The following PMM2 variants were observed in gnomAD, a reference collection of about 807,000 sequenced individuals.
PMM2 encodes the protein mannose-6-phosphate isomerase.
PMM2 carries 35 observed loss-of-function variants against 33.2 expected under a neutral mutation model. That is an observed-to-expected ratio of 1.06 (90% confidence interval 0.81 to 1.40). The LOEUF (loss-of-function observed/expected upper bound fraction) is 1.40, where lower values mean the gene tolerates loss of function less well. Among genes scored for constraint, PMM2 ranks in the 40% most tolerant of loss-of-function variants. PMM2 has a pLI of 0.00. For missense variants in PMM2, 386 were observed against 306.0 expected (o/e 1.26, Z -1.95); for synonymous variants, 153 against 114.7 (o/e 1.33, Z -2.13).
rs760967158 is a variant in PMM2 at position 8,848,967 on chromosome 16, A to G, written c.*1142A>G. 6.6e-6 allele frequency: 1 copy of G among 152,240 alleles called. No homozygotes were observed. The highest frequency in any genetic ancestry group is 1.5e-5 in the Non-Finnish European group (1 of 68,048). The allele number at this position is 152,240 out of a possible 1,614,324, so 9.4% of individuals were successfully genotyped here. ...TTTCCTAGGAAACGGTTCATGTGTC[A>G]CTTTTCAGGATGTGGAAACACTGAG... On this transcript the variant is annotated 3_prime_UTR_variant, in exon 8 of 8. Transcript: ENST00000268261.
intron 1 of PMM2, among the ~76,000 whole-genome samples, chr16:8,800,310 G>A (rs1014177410): frequency 2.7e-5 from 4 of 149,506 alleles, no homozygotes; most frequent in African/African-American, 4.9e-5. Context: ...GCAATGAGCC[G>A]AGACCACACC....
rs567337666 is a variant in PMM2, at chr16:8,832,280, C to T, written c.640-15444C>T. The T allele has an allele frequency of 3.0e-4, 300 of 985,430 alleles. No individual in the cohort carries two copies. In the African/African-American group the frequency reaches 4.1e-3, roughly 13 times the overall value. 61.0% of individuals were successfully genotyped at this position (985,430 alleles called of 1,614,324 possible). A position where few individuals can be genotyped will look rare whatever the true frequency, so the allele number is the denominator to read the frequency against. On this transcript the variant is annotated intron_variant, in intron 7 of 7. Coordinates refer to ENST00000268261, the MANE Select transcript of PMM2 (RefSeq NM_000303.3). Reference sequence around the variant, plus strand: ...TTGTGATGCAGATGCTCCTGCGAGCCGTGCGGCTCTCTGAAAGCGGGTGGA... The same window carrying T: ...TTGTGATGCAGATGCTCCTGCGAGCTGTGCGGCTCTCTGAAAGCGGGTGGA...
At chr16:8,833,045 G>A (rs547890111) in intron 7 of PMM2, 721 of 330,442 alleles carry the variant, frequency 2.2e-3, no homozygotes, top group Non-Finnish European at 2.7e-3. Context: ...AGAGGGTTTC[G>A]TGCGCGTCCG....
chr16:8,799,199 T>A (rs1219121336), intron 1 of PMM2, among the ~76,000 whole-genome samples: 1 of 152,204 alleles, frequency 6.6e-6, no homozygotes, highest in East Asian at 1.9e-4. Flanking sequence ...CCAATAAAAT[T>A]TTATTTATTT....
chr16:8,803,591 G>A (rs1256658913), intron 2 of PMM2, among the ~76,000 whole-genome samples: 1 of 152,226 alleles, frequency 6.6e-6, no homozygotes, highest in Non-Finnish European at 1.5e-5. Context: ...ACAGGTACCT[G>A]AAGTTTGAGA....
At position 8,848,533 on chromosome 16, in the gene PMM2, C is replaced by T. The variant is rs1175118690; in HGVS notation, c.*708C>T. 6.6e-6 allele frequency: 1 copy of T among 152,662 alleles called. No homozygotes were observed. The highest frequency in any genetic ancestry group is 1.5e-5 in the Non-Finnish European group (1 of 68,364). 9.5% of individuals were successfully genotyped at this position (152,662 alleles called of 1,614,324 possible). A position where few individuals can be genotyped will look rare whatever the true frequency, so the allele number is the denominator to read the frequency against. ...CTGTGTTCACTACACTCAGAATAGC[C>T]TGGCTGCTTCTCTGTCTCCGAGACC... On this transcript the variant is annotated 3_prime_UTR_variant, in exon 8 of 8. Transcript: ENST00000268261.
At chr16:8,826,827 A>G (rs1396163641) in intron 7 of PMM2, among the ~76,000 whole-genome samples, 3 of 152,010 alleles carry the variant, frequency 2.0e-5, no homozygotes, top group African/African-American at 4.8e-5. Flanking sequence ...AAATCTTGTC[A>G]CGACTCACAG....
intron 7 of PMM2, among the ~76,000 whole-genome samples, chr16:8,845,467 C>T (rs1044003186): frequency 2.0e-5 from 3 of 152,116 alleles, no homozygotes; most frequent in Admixed American, 1.3e-4. Context: ...AGTAGGTGTT[C>T]TAGAAAGGTG....
At chr16:8,812,839 A>G (rs1050058577) in intron 6 of PMM2, 152 bp from the exon 7 acceptor site, 2 of 667,908 alleles carry the variant, frequency 3.0e-6, no homozygotes, top group East Asian at 2.7e-5. Flanking sequence ...TCTAGAACCT[A>G]TGCATGAAGT....
Position 8,806,420 on chromosome 16 carries a change from T to TG in PMM2, c.347+13_347+14insG, listed in dbSNP as rs1310551501. 1.9e-6 allele frequency: 3 copies of TG among 1,564,306 alleles called. No individual in the cohort carries two copies. Among genetic ancestry groups the TG allele is most frequent in the Non-Finnish European group, 2.6e-6 (3 of 1,134,686 alleles). On this transcript the variant is annotated intron_variant, in intron 4 of 7. Coordinates refer to ENST00000268261, the MANE Select transcript of PMM2 (RefSeq NM_000303.3). ...TCCCGAAGAAGAGGTGGGTTTGCTT[T>TG]TAACAAAGAGGCGTCACAGGAACAT...
intron 7 of PMM2, among the ~76,000 whole-genome samples, chr16:8,844,479 G>T (rs1055696892): frequency 1.3e-5 from 2 of 152,162 alleles, no homozygotes; most frequent in Middle Eastern, 3.2e-3. Flanking sequence ...AAGGAGAAGG[G>T]GTTGGGGGGT....
chr16:8,804,768 G>C lies in PMM2; in HGVS notation c.180G>C (p.Val60=). 3 of 1,610,758 alleles carry C rather than the reference G, an allele frequency of 1.9e-6. No homozygotes were observed. The highest frequency in any genetic ancestry group is 2.5e-6 in the Non-Finnish European group (3 of 1,177,006). Residue 60 remains valine (V), a splice_region_variant and synonymous_variant, in exon 3 of 8, where the codon GTG becomes GTC. Transcript: ENST00000268261. ...GTGTTTTTTTGGTTTTGATTGTAGTGGTTGAAAAATACGATTATGTGTTTC... is the reference window on the plus strand; with the variant it reads ...GTGTTTTTTTGGTTTTGATTGTAGTCGTTGAAAAATACGATTATGTGTTTC... ...EKVQEQLGND[V]VEKYDYVFPE...
intron 7 of PMM2, among the ~76,000 whole-genome samples, chr16:8,842,999 A>G (rs1019745746): frequency 1.3e-5 from 2 of 152,180 alleles, no homozygotes; most frequent in African/African-American, 2.4e-5. Flanking sequence ...AAGGGCGGCA[A>G]TGAGATGCGG....
At chr16:8,811,976 T>G (rs1278256981) in intron 6 of PMM2, among the ~76,000 whole-genome samples, 2 of 152,222 alleles carry the variant, frequency 1.3e-5, no homozygotes, top group African/African-American at 4.8e-5. Context: ...CTACCTGGAC[T>G]CCTCTCATCA....
intron 7 of PMM2, among the ~76,000 whole-genome samples, chr16:8,843,228 A>C (rs970525744): frequency 6.6e-6 from 1 of 152,128 alleles, no homozygotes; most frequent in African/African-American, 2.4e-5. Context: ...AAAGAAGGCA[A>C]CATGGAGTGG....
intron 7 of PMM2, among the ~76,000 whole-genome samples, chr16:8,837,382 T>G (rs922594693): frequency 1.5e-4 from 23 of 151,912 alleles, no homozygotes; most frequent in African/African-American, 5.3e-4. Flanking sequence ...AAGGCATTTA[T>G]TTAGGTTTTA....
chr16:8,829,594 T>A (rs777031658), intron 7 of PMM2, among the ~76,000 whole-genome samples: 23 of 152,212 alleles, frequency 1.5e-4, no homozygotes, highest in Non-Finnish European at 2.6e-4. Flanking sequence ...CTCCCGTTGG[T>A]CTCTGTCATC....
At chr16:8,837,168 G>T (rs2060854997) in intron 7 of PMM2, among the ~76,000 whole-genome samples, 1 of 151,922 alleles carries the variant, frequency 6.6e-6, no homozygotes, top group African/African-American at 2.4e-5. Context: ...GAAGATTTGG[G>T]ACGAGTTGCA....
intron 7 of PMM2, among the ~76,000 whole-genome samples, chr16:8,828,025 CTTTTTTT>C (rs71153002): frequency 1.8e-4 from 12 of 66,608 alleles, no homozygotes; most frequent in Admixed American, 9.4e-4. Flanking sequence ...CTGTAGAACT[CTTTTTTT>C]TTTTTTTTTT....
Sources: gnomAD v4.1 joint callset for allele counts (sites outside exome capture counted in the v4.1 genomes callset) on GRCh38, gnomAD v4.1.1 for gene constraint, MANE v1.5 for transcripts, NCBI Gene and HGNC (gene_info 2026-07-23, HGNC 2026-07-21) for gene names.